The following KCNH1 variants were observed in gnomAD, a reference collection of about 807,000 sequenced individuals.
KCNH1 encodes the protein voltage-gated delayed rectifier potassium channel KCNH1.
A neutral mutation model predicts 69.2 loss-of-function variants in KCNH1; 27 were observed. The ratio of observed to expected loss-of-function variants is 0.39; its 90% CI spans 0.29 to 0.54. The LOEUF (loss-of-function observed/expected upper bound fraction) is 0.54, where lower values mean the gene tolerates loss of function less well. KCNH1 is among the 20% of genes least tolerant of loss of function. The pLI is 0.68. For missense variants in KCNH1, 798 were observed against 1,261.6 expected (o/e 0.63, Z 5.57); for synonymous variants, 456 against 487.7 (o/e 0.93, Z 0.86).
chr1:211,056,089 A>G (rs977209870), intron 5 of KCNH1, among the ~76,000 whole-genome samples: 1 of 152,228 alleles, frequency 6.6e-6, no homozygotes, highest in African/African-American at 2.4e-5. Context: ...GCTCAGTCAC[A>G]GTAGGGTAGA....
chr1:210,694,066 C>A (rs1016105872), intron 10 of KCNH1, among the ~76,000 whole-genome samples: 1 of 152,198 alleles, frequency 6.6e-6, no homozygotes, highest in Non-Finnish European at 1.5e-5. Flanking sequence ...CCTCTCCCTA[C>A]TTCCATTAAA....
rs550422309 is a variant in KCNH1 at position 210,689,366 on chromosome 1, G to T, written c.2113-5228C>A. Among the ~76,000 whole-genome samples the T allele has an allele frequency of 1.1e-4, 17 of 152,292 alleles. No individual in the cohort carries two copies. The East Asian group carries it at 2.1e-3, about 19-fold the overall frequency. On this transcript the variant is annotated intron_variant, in intron 10 of 10. Coordinates refer to ENST00000271751, the MANE Select transcript of KCNH1 (RefSeq NM_172362.3). ...GGCCTGGTCCTAGCTAGAGTTTGAG[G>T]AGTTGTCCCCTTGGGGTCTCAGCAG...
In KCNH1 at chr1:210,771,268, C is replaced by T. The variant is rs144627054; in HGVS notation, c.2112+4080G>A. On this transcript the variant is annotated intron_variant, in intron 10 of 10. Transcript: ENST00000271751. ...CCACCTCCCTCAGAAGAAACAATAG[C>T]GCTGTGCTTTTCTTTTGTGCCTCCC... 3.1e-3 allele frequency among the ~76,000 whole-genome samples: 468 copies of T among 152,290 alleles called. 1 individual carries two copies. Among genetic ancestry groups the T allele is most frequent in the African/African-American group, 0.011 (443 of 41,568 alleles).
chr1:210,707,051 G>T (rs1440404127), intron 10 of KCNH1, among the ~76,000 whole-genome samples: 2 of 152,058 alleles, frequency 1.3e-5, no homozygotes, highest in Admixed American at 1.3e-4. Context: ...TATGTGAGGG[G>T]TATGTGTGTG....
intron 10 of KCNH1, among the ~76,000 whole-genome samples, chr1:210,747,040 CTT>C (rs1378869498): frequency 1.3e-5 from 2 of 152,080 alleles, no homozygotes; most frequent in East Asian, 1.9e-4. Flanking sequence ...ACTCCAGAAA[CTT>C]ATAAGATTTC....
At chr1:211,012,541 C>G (rs1437519253) in intron 6 of KCNH1, among the ~76,000 whole-genome samples, 1 of 152,164 alleles carries the variant, frequency 6.6e-6, no homozygotes, top group Non-Finnish European at 1.5e-5. Context: ...ATCTGAGAGA[C>G]TACAGGCTGT....
chr1:211,072,748 G>A (rs959016590), intron 5 of KCNH1, among the ~76,000 whole-genome samples: 7 of 151,888 alleles, frequency 4.6e-5, no homozygotes, highest in African/African-American at 1.7e-4. Context: ...GCTAAGGAAG[G>A]AGAAAAAGTT....
At chr1:210,702,980 A>G (rs1261204094) in intron 10 of KCNH1, among the ~76,000 whole-genome samples, 1 of 152,040 alleles carries the variant, frequency 6.6e-6, no homozygotes, top group African/African-American at 2.4e-5. Context: ...TTTTTATATC[A>G]TTTCATTGGG....
chr1:210,873,444 C>T (rs1403206859), intron 7 of KCNH1, among the ~76,000 whole-genome samples: 1 of 152,166 alleles, frequency 6.6e-6, no homozygotes, highest in African/African-American at 2.4e-5. Context: ...AACTCCTGGG[C>T]TCAAGTGATT....
intron 7 of KCNH1, chr1:210,861,786 A>T: frequency 1.3e-6 from 1 of 769,014 alleles, no homozygotes; most frequent in Non-Finnish European, 2.4e-6. Flanking sequence ...CTACCAATGG[A>T]CTCCACTCCT....
chr1:210,771,804 G>A lies in KCNH1; in HGVS notation c.2112+3544C>T, dbSNP rs1462029343. Among the ~76,000 whole-genome samples, 3 of 152,184 alleles carry A rather than the reference G, an allele frequency of 2.0e-5. No homozygotes were observed. In the East Asian group the frequency reaches 5.8e-4, roughly 29 times the overall value. ...TCCTCCAGAATTATAGAAGCAATAA[G>A]TGGCAGAAGCAGGACCCAGACCAAA... On this transcript the variant is annotated intron_variant, in intron 10 of 10. Coordinates refer to ENST00000271751, the MANE Select transcript of KCNH1 (RefSeq NM_172362.3).
chr1:210,747,642 C>CAA (rs11449700), intron 10 of KCNH1, among the ~76,000 whole-genome samples: 28,344 of 141,240 alleles, frequency 0.2, 3,027 homozygotes, highest in Middle Eastern at 0.27. Flanking sequence ...CTTTCACATG[C>CAA]AAAAAAAAAA....
intron 6 of KCNH1, among the ~76,000 whole-genome samples, chr1:210,994,477 A>C (rs1262566811): frequency 6.6e-6 from 1 of 152,212 alleles, no homozygotes; most frequent in Admixed American, 6.5e-5. Flanking sequence ...AATGCAAAAA[A>C]GAAAGTCACC....
intron 7 of KCNH1, among the ~76,000 whole-genome samples, chr1:210,866,098 C>T (rs980354108): frequency 1.1e-4 from 17 of 152,154 alleles, no homozygotes; most frequent in African/African-American, 4.1e-4. Context: ...CTACCTCACA[C>T]CATACACAAA....
intron 1 of KCNH1, among the ~76,000 whole-genome samples, chr1:211,131,213 C>T (rs1571671738): frequency 6.6e-6 from 1 of 151,948 alleles, no homozygotes; most frequent in Non-Finnish European, 1.5e-5. Context: ...TCCCACAGCT[C>T]TATGATATTC....
At chr1:210,954,667 A>AT (rs1445294611) in intron 6 of KCNH1, among the ~76,000 whole-genome samples, 1 of 152,042 alleles carries the variant, frequency 6.6e-6, no homozygotes, top group Non-Finnish European at 1.5e-5. Context: ...GATGATGACC[A>AT]TTTTTTCATG....
At chr1:210,997,488 G>C (rs1689074161) in intron 6 of KCNH1, among the ~76,000 whole-genome samples, 1 of 152,150 alleles carries the variant, frequency 6.6e-6, no homozygotes, top group African/African-American at 2.4e-5. Flanking sequence ...AATGAACAAA[G>C]CTTCCAAGAA....
At chr1:210,721,161 G>T (rs1480209795) in intron 10 of KCNH1, among the ~76,000 whole-genome samples, 1 of 151,998 alleles carries the variant, frequency 6.6e-6, no homozygotes, top group African/African-American at 2.4e-5. Flanking sequence ...TTCAGCTCAG[G>T]GTTCTCTCCA....
chr1:210,877,779 G>T (rs1472064154), intron 7 of KCNH1, among the ~76,000 whole-genome samples: 1 of 152,092 alleles, frequency 6.6e-6, no homozygotes, highest in African/African-American at 2.4e-5. Context: ...TAGGTCATTA[G>T]CTCCAAATGG....
Sources: gnomAD v4.1 joint callset for allele counts (sites outside exome capture counted in the v4.1 genomes callset) on GRCh38, gnomAD v4.1.1 for gene constraint, MANE v1.5 for transcripts, NCBI Gene and HGNC (gene_info 2026-07-23, HGNC 2026-07-21) for gene names.